The following PDE8B variants were observed in gnomAD, a reference collection of about 807,000 sequenced individuals.
PDE8B encodes the protein phosphodiesterase 8B.
Under a neutral mutation model 101.3 loss-of-function variants are expected in PDE8B, and 26 were observed. The ratio of observed to expected loss-of-function variants is 0.26; its 90% CI spans 0.19 to 0.36. The LOEUF is 0.36. Ranked by LOEUF, PDE8B falls within the 10% of genes least tolerant of loss-of-function variation. The pLI, the probability that PDE8B is intolerant of heterozygous loss-of-function variation, is 1.00. For missense variants in PDE8B, 810 were observed against 1,163.1 expected, an observed-to-expected ratio of 0.70 and a Z score of 4.42; for synonymous variants, 424 against 429.3, an observed-to-expected ratio of 0.99 and a Z score of 0.15.
chr5:77,417,266 T>C (rs1177349032), intron 17 of PDE8B, among the ~76,000 whole-genome samples: 2 of 152,194 alleles, frequency 1.3e-5, no homozygotes, highest in African/African-American at 4.8e-5. Context: ...CATTGGACAG[T>C]GCTGCCCTAA....
intron 5 of PDE8B, 146 bp from the exon 6 acceptor site, chr5:77,337,081 T>G (rs967607272): frequency 3.1e-6 from 2 of 645,042 alleles, no homozygotes; most frequent in Non-Finnish European, 5.7e-6. Context: ...TTTGAACACC[T>G]TGACAGCTGT....
chr5:77,227,729 G>A (rs903596787), intron 1 of PDE8B, among the ~76,000 whole-genome samples: 3 of 152,142 alleles, frequency 2.0e-5, no homozygotes, highest in African/African-American at 7.2e-5. Context: ...CAAGGTTGGG[G>A]TCAAATATGC....
At chr5:77,361,953 T>C (rs1052660126) in intron 10 of PDE8B, among the ~76,000 whole-genome samples, 1 of 152,242 alleles carries the variant, frequency 6.6e-6, no homozygotes, top group Non-Finnish European at 1.5e-5. Context: ...TGGGAATCCA[T>C]TGGCTATATA....
Position 77,345,440 on chromosome 5 carries a change from A to G in PDE8B, c.876+509A>G, listed in dbSNP as rs552709846. ...CTCCCAAAGTGCTGGGATTACAGGTATGAGTCACTGCACCCAGCTAGAACC... is the reference window on the plus strand; with the variant it reads ...CTCCCAAAGTGCTGGGATTACAGGTGTGAGTCACTGCACCCAGCTAGAACC... On this transcript the variant is annotated intron_variant, in intron 7 of 21. Transcript: ENST00000264917. Among the ~76,000 whole-genome samples the G allele has an allele frequency of 2.6e-3, 392 of 152,288 alleles. 1 individual carries two copies. Among genetic ancestry groups the G allele is most frequent in the African/African-American group, 8.9e-3 (370 of 41,566 alleles).
intron 10 of PDE8B, among the ~76,000 whole-genome samples, chr5:77,383,575 T>C (rs55753522): frequency 0.17 from 25,946 of 152,192 alleles, 2,270 homozygotes; most frequent in East Asian, 0.29. Flanking sequence ...TCATGAATGG[T>C]ATTGCCTAGG....
At chr5:77,381,855 G>C (rs1381019545) in intron 10 of PDE8B, among the ~76,000 whole-genome samples, 1 of 152,088 alleles carries the variant, frequency 6.6e-6, no homozygotes, top group East Asian at 1.9e-4. Flanking sequence ...TACCTAAGTA[G>C]GTCTTACACT....
At chr5:77,308,921 G>A (rs931838979) in intron 1 of PDE8B, among the ~76,000 whole-genome samples, 3 of 152,136 alleles carry the variant, frequency 2.0e-5, no homozygotes, top group Non-Finnish European at 2.9e-5. Context: ...GCTCATGCCT[G>A]TAATCCCAGC....
the PDE8B span, among the ~76,000 whole-genome samples, chr5:77,136,451 T>C: frequency 6.6e-6 from 1 of 152,212 alleles, no homozygotes; most frequent in African/African-American, 2.4e-5. Context: ...TAAAAGCACT[T>C]ATCTAAACAT....
chr5:77,214,956 G>A (rs949946811), intron 1 of PDE8B, among the ~76,000 whole-genome samples: 2 of 152,146 alleles, frequency 1.3e-5, no homozygotes, highest in Admixed American at 6.5e-5. Context: ...TTGACCAGGC[G>A]AATGAGGTGG....
chr5:77,315,796 C>T lies in PDE8B; in HGVS notation c.399+3743C>T, dbSNP rs560578416. Among the ~76,000 whole-genome samples the T allele has an allele frequency of 1.2e-4, 18 of 152,290 alleles. No homozygotes were observed. The East Asian group carries it at 3.3e-3, about 28-fold the overall frequency. On this transcript the variant is annotated intron_variant, in intron 2 of 21. Transcript: ENST00000264917. Reference sequence around the variant, plus strand: ...TTGATGACTGTCCCTTTTATCATTACGTAGTGTCCTACTTTAACCTTTTCC... The same window carrying T: ...TTGATGACTGTCCCTTTTATCATTATGTAGTGTCCTACTTTAACCTTTTCC...
chr5:77,095,445 T>C, the PDE8B span, among the ~76,000 whole-genome samples: 2 of 152,198 alleles, frequency 1.3e-5, no homozygotes, highest in Non-Finnish European at 2.9e-5. Flanking sequence ...AATGATCCCA[T>C]TGTTTATTCT....
At chr5:77,302,024 G>A (rs552897139) in intron 1 of PDE8B, among the ~76,000 whole-genome samples, 2 of 152,012 alleles carry the variant, frequency 1.3e-5, no homozygotes, top group Admixed American at 6.5e-5. Flanking sequence ...CCATTTTAAT[G>A]CATAATCGAC....
At chr5:77,149,818 T>C in the PDE8B span, among the ~76,000 whole-genome samples, 7 of 152,238 alleles carry the variant, frequency 4.6e-5, no homozygotes, top group African/African-American at 1.7e-4. Flanking sequence ...GTTTTAATTC[T>C]TCCTTTACTC....
intron 1 of PDE8B, among the ~76,000 whole-genome samples, chr5:77,221,981 C>T (rs1246547056): frequency 6.6e-6 from 1 of 152,172 alleles, no homozygotes; most frequent in Non-Finnish European, 1.5e-5. Flanking sequence ...ACCTAGCCCT[C>T]TCTAGTCATG....
intron 1 of PDE8B, among the ~76,000 whole-genome samples, chr5:77,281,114 C>T (rs146458260): frequency 6.4e-4 from 98 of 152,320 alleles, no homozygotes; most frequent in Admixed American, 1.3e-3. Context: ...GCGCCACTTC[C>T]CTGCTGCCCT....
chr5:77,280,048 G>A (rs574779515), intron 1 of PDE8B, among the ~76,000 whole-genome samples: 65 of 152,312 alleles, frequency 4.3e-4, no homozygotes, highest in Admixed American at 4.1e-3. Context: ...CCCACCTCTG[G>A]GTTGGTGTGC....
intron 1 of PDE8B, among the ~76,000 whole-genome samples, chr5:77,227,419 A>G (rs1752629115): frequency 6.6e-6 from 1 of 152,176 alleles, no homozygotes; most frequent in Admixed American, 6.5e-5. Context: ...TTTTCAATAA[A>G]AATAATTAGG....
At chr5:77,222,420 G>C (rs751978856) in intron 1 of PDE8B, among the ~76,000 whole-genome samples, 3 of 152,058 alleles carry the variant, frequency 2.0e-5, no homozygotes, top group African/African-American at 4.8e-5. Context: ...TCAGGAGTTC[G>C]AGACTATCCT....
chr5:77,165,209 G>T, the PDE8B span, among the ~76,000 whole-genome samples: 1 of 152,128 alleles, frequency 6.6e-6, no homozygotes, highest in Admixed American at 6.5e-5. Flanking sequence ...AAGAGAAAGC[G>T]TAATAAAATA....
Sources: gnomAD v4.1 joint callset for allele counts (sites outside exome capture counted in the v4.1 genomes callset) on GRCh38, gnomAD v4.1.1 for gene constraint, MANE v1.5 for transcripts, NCBI Gene and HGNC (gene_info 2026-07-23, HGNC 2026-07-21) for gene names.